Variants in GRIA2 observed in about 807,000 individuals in gnomAD.
The protein encoded by GRIA2 is glutamate receptor 2.
Under a neutral mutation model 97.3 loss-of-function variants are expected in GRIA2, and 14 were observed. The observed-to-expected ratio is 0.14, with a 90% CI of 0.10 to 0.23. The LOEUF is 0.23. GRIA2 is among the 10% of genes least tolerant of loss of function. The pLI, the probability that GRIA2 is intolerant of heterozygous loss-of-function variation, is 1.00. For missense variants in GRIA2, 558 were observed against 1,069.8 expected (o/e 0.52, Z 6.67); for synonymous variants, 412 against 387.8 (o/e 1.06, Z -0.73).
chr4:157,353,363 C>G (rs575915814), intron 12 of GRIA2, among the ~76,000 whole-genome samples: 1 of 146,092 alleles, frequency 6.8e-6, no homozygotes, highest in African/African-American at 2.5e-5. Context: ...AAAAACAAAA[C>G]AAAACAAAAC....
In GRIA2 at chr4:157,288,124, AT is replaced by A. The variant is rs962184348; in HGVS notation, c.230-15419del. Among the ~76,000 whole-genome samples the A allele has an allele frequency of 5.4e-4, 82 of 151,222 alleles. 1 individual carries two copies. The highest frequency in any genetic ancestry group is 5.2e-3 in the Admixed American group (78 of 15,096). ...ATATTTTCAGATGTCTCAAAGTATA[AT>A]TTTTTTTTAATTTTAGTATAAGCAG... On this transcript the variant is annotated intron_variant, in intron 2 of 15. Transcript: ENST00000264426.
intron 13 of GRIA2, 108 bp downstream of exon 13, chr4:157,360,251 A>C: frequency 1.1e-5 from 12 of 1,127,100 alleles, no homozygotes; most frequent in Non-Finnish European, 1.4e-5. Context: ...GAGGTAACTC[A>C]CCATCACAAA....
intron 12 of GRIA2, among the ~76,000 whole-genome samples, chr4:157,342,751 A>G (rs1236978682): frequency 6.6e-6 from 1 of 152,040 alleles, no homozygotes; most frequent in Non-Finnish European, 1.5e-5. Flanking sequence ...AATGAGATCT[A>G]TGAGAATGAT....
intron 12 of GRIA2, among the ~76,000 whole-genome samples, chr4:157,354,114 T>C (rs1180520552): frequency 1.3e-5 from 2 of 152,168 alleles, no homozygotes; most frequent in Admixed American, 6.5e-5. Flanking sequence ...AACTGAAACA[T>C]GACATTTTAG....
chr4:157,344,759 C>T (rs1056868972), intron 12 of GRIA2, among the ~76,000 whole-genome samples: 2 of 151,816 alleles, frequency 1.3e-5, no homozygotes, highest in Admixed American at 6.6e-5. Flanking sequence ...GGTTGGTTTT[C>T]GTCATAGCCA....
chr4:157,324,457 T>C (rs1734717951), intron 6 of GRIA2, among the ~76,000 whole-genome samples: 1 of 152,176 alleles, frequency 6.6e-6, no homozygotes, highest in African/African-American at 2.4e-5. Context: ...AATATGCCAG[T>C]TTCTTGGCCA....
chr4:157,341,208 T>A (rs1735531816), intron 11 of GRIA2, 56 bp from the exon 12 acceptor site: 1 of 1,192,400 alleles, frequency 8.4e-7, no homozygotes, highest in African/African-American at 1.5e-5. Flanking sequence ...TGCTAACTTG[T>A]TTTTTTATTA....
intron 2 of GRIA2, among the ~76,000 whole-genome samples, chr4:157,295,431 G>A (rs116029860): frequency 6.6e-6 from 1 of 152,090 alleles, no homozygotes; most frequent in Non-Finnish European, 1.5e-5. Context: ...TGTCATTGGG[G>A]TGTATGTTTA....
Position 157,364,083 on chromosome 4 carries a change from T to G in GRIA2, c.*652T>G, listed in dbSNP as rs940620797. Reference sequence around the variant, plus strand: ...ACAATTAAACTGAGTGGGAAGTGAATAAAAAAAGGCTTTAGGTATCGATTC... The same window carrying G: ...ACAATTAAACTGAGTGGGAAGTGAAGAAAAAAAGGCTTTAGGTATCGATTC... On this transcript the variant is annotated 3_prime_UTR_variant, in exon 16 of 16. Transcript: ENST00000264426. 6.6e-6 allele frequency: 1 copy of G among 152,396 alleles called. No individual in the cohort carries two copies. The highest frequency in any genetic ancestry group is 2.4e-5 in the African/African-American group (1 of 41,412). 9.4% of individuals were successfully genotyped at this position (152,396 alleles called of 1,614,324 possible). A position where few individuals can be genotyped will look rare whatever the true frequency, so the allele number is the denominator to read the frequency against.
At chr4:157,309,400 G>T (rs62331549) in intron 3 of GRIA2, among the ~76,000 whole-genome samples, 10,932 of 140,620 alleles carry the variant, frequency 0.078, 516 homozygotes, top group Non-Finnish European at 0.1. Flanking sequence ...CACCCAGGCT[G>T]TAGTGCAGTG....
rs1733720312 is a variant in GRIA2, at chr4:157,303,769, A to G, written c.447A>G (p.Ala149=). ...AATACTATCAATGGGACAAGTTTGC[A>G]TACCTCTATGACAGTGACAGAGGTA... is the stretch of plus-strand genomic sequence containing the variant. ...LIEYYQWDKF[A]YLYDSDRGLS... Residue 149 remains alanine, a synonymous_variant, in exon 3 of 16, where the codon GCA becomes GCG. Coordinates refer to ENST00000264426, the MANE Select transcript of GRIA2 (RefSeq NM_001083619.3). 2 of 1,613,712 alleles carry G rather than the reference A, an allele frequency of 1.2e-6. No individual in the cohort carries two copies. Among genetic ancestry groups the G allele is most frequent in the Non-Finnish European group, 8.5e-7 (1 of 1,179,750 alleles).
intron 1 of GRIA2, chr4:157,221,458 G>A (rs7675800): frequency 0.97 from 565,544 of 584,138 alleles, 273,970 homozygotes; most frequent in East Asian, 1. Flanking sequence ...GTTTCTGGCC[G>A]CCTACCTCGC....
At chr4:157,318,507 T>C (rs758805798) in intron 5 of GRIA2, among the ~76,000 whole-genome samples, 62 of 152,298 alleles carry the variant, frequency 4.1e-4, no homozygotes, top group Non-Finnish European at 6.5e-4. Flanking sequence ...TTGTGTTTTC[T>C]CTGGGCCGTG....
intron 4 of GRIA2, among the ~76,000 whole-genome samples, chr4:157,313,733 G>C (rs1250782458): frequency 6.6e-6 from 1 of 151,742 alleles, no homozygotes; most frequent in Non-Finnish European, 1.5e-5. Flanking sequence ...GTGTGTGTGA[G>C]TATGAGTGTA....
chr4:157,224,914 T>C (rs529289724), intron 2 of GRIA2, among the ~76,000 whole-genome samples: 2 of 152,224 alleles, frequency 1.3e-5, no homozygotes, highest in South Asian at 4.1e-4. Context: ...ATAGGTATCA[T>C]CTTGCAATGC....
intron 2 of GRIA2, among the ~76,000 whole-genome samples, chr4:157,250,036 T>C (rs1345167523): frequency 6.6e-6 from 1 of 152,172 alleles, no homozygotes; most frequent in Non-Finnish European, 1.5e-5. Context: ...TATGCAGGCA[T>C]TCCTTAAATT....
chr4:157,278,266 A>G (rs970866242), intron 2 of GRIA2, among the ~76,000 whole-genome samples: 1 of 151,940 alleles, frequency 6.6e-6, no homozygotes, highest in Non-Finnish European at 1.5e-5. Flanking sequence ...ATATTGGTAA[A>G]ACAGTAGACA....
chr4:157,336,351 A>G, intron 10 of GRIA2, 26 bp from the exon 11 acceptor site: 1 of 1,508,242 alleles, frequency 6.6e-7, no homozygotes, highest in Non-Finnish European at 8.9e-7. Context: ...TCCAGGTACT[A>G]TTACTTTCCT....
intron 2 of GRIA2, among the ~76,000 whole-genome samples, chr4:157,222,242 G>T (rs1729531993): frequency 6.6e-6 from 1 of 152,170 alleles, no homozygotes; most frequent in South Asian, 2.1e-4. Context: ...ACGAGGGACT[G>T]CCGGAGCCCA....
Sources: gnomAD v4.1 joint callset for allele counts (sites outside exome capture counted in the v4.1 genomes callset) on GRCh38, gnomAD v4.1.1 for gene constraint, MANE v1.5 for transcripts, NCBI Gene and HGNC (gene_info 2026-07-23, HGNC 2026-07-21) for gene names.